MSRB3: variants seen among roughly 807,000 people sequenced by gnomAD.
MSRB3 encodes the protein methionine sulfoxide reductase B3, also known as methionine-R-sulfoxide reductase B3.
In MSRB3, 13 loss-of-function variants were observed where a neutral mutation model predicts 21.0. The observed-to-expected ratio is 0.62, with a 90% CI of 0.40 to 0.98. The LOEUF (loss-of-function observed/expected upper bound fraction) is 0.98, where lower values mean the gene tolerates loss of function less well. Ranked by LOEUF, MSRB3 falls within the 50% of genes least tolerant of loss-of-function variation. MSRB3 has a pLI of 0.00. For missense variants in MSRB3, 199 were observed against 230.3 expected, an observed-to-expected ratio of 0.86 and a Z score of 0.88; for synonymous variants, 87 against 88.6, an observed-to-expected ratio of 0.98 and a Z score of 0.10.
intron 4 of MSRB3, among the ~76,000 whole-genome samples, chr12:65,348,123 T>C (rs1442001673): frequency 6.6e-6 from 1 of 152,200 alleles, no homozygotes; most frequent in African/African-American, 2.4e-5. Flanking sequence ...GAGGATTCCC[T>C]CTTTTTCTGT....
At position 65,422,423 on chromosome 12, in the gene MSRB3, TATATA is replaced by T. The variant is rs1565885148; in HGVS notation, c.293-31304_293-31300del. Among the ~76,000 whole-genome samples the T allele has an allele frequency of 7.5e-3, 584 of 77,672 alleles. 7 individuals are homozygous for T. The highest frequency in any genetic ancestry group is 0.025 in the African/African-American group (543 of 21,516). 51.0% of individuals were successfully genotyped at this position (77,672 alleles called of 152,430 possible). On this transcript the variant is annotated intron_variant, in intron 5 of 6. Transcript: ENST00000308259. ...ATATATATATATATATATATATATA[TATATA>T]TATTTATTTATTTATTTATGGGGTA...
At chr12:65,396,833 T>C (rs1465242028) in intron 5 of MSRB3, among the ~76,000 whole-genome samples, 2 of 152,180 alleles carry the variant, frequency 1.3e-5, no homozygotes, top group Non-Finnish European at 2.9e-5. Context: ...CTGTGTATTC[T>C]GCTGTCGTTG....
intron 5 of MSRB3, among the ~76,000 whole-genome samples, chr12:65,405,753 ACCTT>A (rs1307509270): frequency 6.6e-6 from 1 of 151,704 alleles, no homozygotes; most frequent in East Asian, 1.9e-4. Context: ...TTTATCTTTC[ACCTT>A]CTTGATAATA....
chr12:65,290,083 A>G (rs988137854), intron 1 of MSRB3, among the ~76,000 whole-genome samples: 1 of 152,054 alleles, frequency 6.6e-6, no homozygotes, highest in African/African-American at 2.4e-5. Flanking sequence ...TATGGAGTCA[A>G]ATCTGTATTT....
intron 5 of MSRB3, among the ~76,000 whole-genome samples, chr12:65,385,863 G>T (rs1389803): frequency 0.99 from 150,066 of 151,992 alleles, 74,122 homozygotes; most frequent in Middle Eastern, 1. Context: ...AAACTTCTAG[G>T]TATATGTTAA....
In MSRB3 at chr12:65,278,708, C is replaced by G. The variant is rs1274621541; in HGVS notation, c.-209C>G. 6.9e-7 allele frequency: 1 copy of G among 1,450,286 alleles called. No homozygotes were observed. Among genetic ancestry groups the G allele is most frequent in the Non-Finnish European group, 9.4e-7 (1 of 1,060,290 alleles). 89.8% of individuals were successfully genotyped at this position (1,450,286 alleles called of 1,614,324 possible). ...ATGCCTCCCGCCGCCCCGTCCGTCG[C>G]CCGGAGCCGGGGAGGGAGGGAGCGA... is the stretch of plus-strand genomic sequence containing the variant. On this transcript the variant is annotated 5_prime_UTR_variant, in exon 1 of 7. Coordinates refer to ENST00000308259, the MANE Select transcript of MSRB3 (RefSeq NM_001031679.3).
chr12:65,357,436 G>A (rs973115275), intron 4 of MSRB3, among the ~76,000 whole-genome samples: 2 of 151,946 alleles, frequency 1.3e-5, no homozygotes, highest in African/African-American at 2.4e-5. Flanking sequence ...AGTTCAGAGA[G>A]TTCACATATA....
chr12:65,319,565 ATTGT>A (rs987566784), intron 2 of MSRB3, among the ~76,000 whole-genome samples: 1 of 152,118 alleles, frequency 6.6e-6, no homozygotes, highest in African/African-American at 2.4e-5. Flanking sequence ...CATTGTATAG[ATTGT>A]TTTTCTTATC....
rs546676745 is a variant in MSRB3, at chr12:65,295,473, T to C, written c.-51-13056T>C. 5.3e-5 allele frequency among the ~76,000 whole-genome samples: 8 copies of C among 152,288 alleles called. No homozygotes were observed. In the East Asian group the frequency reaches 1.5e-3, roughly 29 times the overall value. ...TGCATTCAGTGACTACCACCACAAC[T>C]TTTAATGTTAATTTAACTATCCTTA... is the stretch of plus-strand genomic sequence containing the variant. On this transcript the variant is annotated intron_variant, in intron 1 of 6. Transcript: ENST00000308259.
rs184597965 is a variant in MSRB3 at position 65,300,379 on chromosome 12, T to C, written c.-51-8150T>C. Among the ~76,000 whole-genome samples the C allele has an allele frequency of 2.0e-5, 3 of 152,298 alleles. No homozygotes were observed. In the East Asian group the frequency reaches 5.8e-4, roughly 29 times the overall value. Reference sequence around the variant, plus strand: ...GACTAAATTAAGAATCTCTTTGGGATATTTAGGATAGAAGGGATGACTAAT... The same window carrying C: ...GACTAAATTAAGAATCTCTTTGGGACATTTAGGATAGAAGGGATGACTAAT... On this transcript the variant is annotated intron_variant, in intron 1 of 6. Transcript: ENST00000308259.
intron 5 of MSRB3, among the ~76,000 whole-genome samples, chr12:65,424,586 T>A (rs959826535): frequency 2.6e-5 from 4 of 152,174 alleles, no homozygotes; most frequent in Non-Finnish European, 4.4e-5. Context: ...TTTAAGAGCA[T>A]GTGTTTAACT....
intron 4 of MSRB3, chr12:65,344,073 T>G (rs1876324809): frequency 6.6e-6 from 1 of 152,056 alleles, no homozygotes; most frequent in Non-Finnish European, 1.5e-5. Flanking sequence ...GAGGATTAAG[T>G]AAATAATGTT....
At chr12:65,284,383 A>G (rs531356348) in intron 1 of MSRB3, 1 of 152,410 alleles carries the variant, frequency 6.6e-6, no homozygotes, top group South Asian at 2.1e-4. Context: ...TTGCTAAAGT[A>G]CATTGGACAG....
chr12:65,326,966 A>G (rs1203496247), intron 3 of MSRB3, 32 bp downstream of exon 3: 1 of 1,538,512 alleles, frequency 6.5e-7, no homozygotes, highest in Non-Finnish European at 9.0e-7. Flanking sequence ...AGTCATTAAG[A>G]GCTAGATTTC....
Position 65,463,317 on chromosome 12 carries a change from C to A in MSRB3, c.553C>A (p.Leu185Ile). The A allele has an allele frequency of 6.2e-7, 1 of 1,614,136 alleles. No homozygotes were observed. The highest frequency in any genetic ancestry group is 8.5e-7 in the Non-Finnish European group (1 of 1,180,036). ...ASPAQADKAE[L>I] is the part of the protein sequence containing the mutation. ...CCCGGCCCAGGCAGACAAAGCGGAG[C>A]TCTAGAGTAATGGAGAGTGATGGAA... Residue 185 changes from leucine (L) to isoleucine (I), a missense_variant, in exon 7 of 7, where the codon CTC becomes ATC. Transcript: ENST00000308259.
chr12:65,368,950 C>G, intron 4 of MSRB3, 48 bp from the exon 5 acceptor site: 13 of 411,532 alleles, frequency 3.2e-5, no homozygotes, highest in Non-Finnish European at 5.9e-5. Context: ...AATAATTGTT[C>G]TTTTACAAAC....
chr12:65,373,959 T>C (rs1878460794), intron 5 of MSRB3, among the ~76,000 whole-genome samples: 1 of 151,730 alleles, frequency 6.6e-6, no homozygotes, highest in Non-Finnish European at 1.5e-5. Context: ...CAGGGAAAAA[T>C]AGAGTGGGGC....
At chr12:65,359,944 A>G (rs1877606063) in intron 4 of MSRB3, among the ~76,000 whole-genome samples, 1 of 152,082 alleles carries the variant, frequency 6.6e-6, no homozygotes, top group Non-Finnish European at 1.5e-5. Context: ...GAGACTTGAC[A>G]GAATTTTATT....
At chr12:65,302,487 A>T (rs1873393386) in intron 1 of MSRB3, among the ~76,000 whole-genome samples, 1 of 152,178 alleles carries the variant, frequency 6.6e-6, no homozygotes, top group African/African-American at 2.4e-5. Flanking sequence ...TATGTCTTAC[A>T]TCTTTTCATG....
Sources: allele counts gnomAD v4.1 joint callset (sites outside exome capture counted in the v4.1 genomes callset), GRCh38; gene constraint gnomAD v4.1.1; transcripts MANE v1.5; gene names NCBI Gene and HGNC (gene_info 2026-07-23, HGNC 2026-07-21).